Variants in DSCAML1 observed in about 807,000 individuals in gnomAD.
DSCAML1 encodes the protein cell adhesion molecule DSCAML1.
A neutral mutation model predicts 200.5 loss-of-function variants in DSCAML1; 38 were observed. That is an observed-to-expected ratio of 0.19 (90% CI 0.15 to 0.25). The LOEUF (loss-of-function observed/expected upper bound fraction) is 0.25. DSCAML1 is among the 10% of genes least tolerant of loss of function. The pLI, the probability that DSCAML1 is intolerant of heterozygous loss-of-function variation, is 1.00. For synonymous variants in DSCAML1, 1,215 were observed against 1,165.0 expected, an observed-to-expected ratio of 1.04 and a Z score of -0.87; for missense variants, 2,223 against 2,858.8, an observed-to-expected ratio of 0.78 and a Z score of 5.07.
chr11:117,565,141 C>CT (rs1314418863), intron 3 of DSCAML1, among the ~76,000 whole-genome samples: 4 of 152,110 alleles, frequency 2.6e-5, no homozygotes, highest in Non-Finnish European at 5.9e-5. Context: ...TTCTCACCTG[C>CT]TTTTTTCTGC....
At chr11:117,571,108 C>T (rs1366681029) in intron 3 of DSCAML1, among the ~76,000 whole-genome samples, 3 of 152,184 alleles carry the variant, frequency 2.0e-5, no homozygotes, top group African/African-American at 7.2e-5. Context: ...CGAGCAGAGC[C>T]CTGGTGGGGA....
rs763844992 is a variant in DSCAML1, at chr11:117,780,141, AAG to A, written c.364+350_364+351del. On this transcript the variant is annotated intron_variant, in intron 2 of 32. Coordinates refer to ENST00000651296, the MANE Select transcript of DSCAML1 (RefSeq NM_020693.4). This position sits in a 1 kb window ranked among gnomAD's most constrained non-coding sequence, Gnocchi z 4.8. ...GGCTCTGTCTCAAAAAGCAAAAAGA[AAG>A]AGAGAGAGAGAGAGAGAAAGAAAGA... 3.2e-4 allele frequency among the ~76,000 whole-genome samples: 47 copies of A among 147,356 alleles called. No homozygotes were observed. Among genetic ancestry groups the A allele is most frequent in the Middle Eastern group, 3.4e-3 (1 of 290 alleles).
At chr11:117,538,909 G>A (rs913889103) in intron 3 of DSCAML1, among the ~76,000 whole-genome samples, 2 of 151,824 alleles carry the variant, frequency 1.3e-5, no homozygotes, top group Non-Finnish European at 2.9e-5. Context: ...AGGAGGCAGG[G>A]GCCAGCAGCC....
intron 3 of DSCAML1, chr11:117,709,676 C>G (rs1053826867): frequency 6.6e-6 from 3 of 455,218 alleles, no homozygotes; most frequent in African/African-American, 6.0e-5. Context: ...CCACCTCCAG[C>G]CTCTTCTTTC....
At chr11:117,763,753 A>G (rs541339412) in intron 3 of DSCAML1, among the ~76,000 whole-genome samples, 8 of 152,022 alleles carry the variant, frequency 5.3e-5, no homozygotes, top group East Asian at 2.0e-4. Flanking sequence ...TTTCACTGCC[A>G]AGGATCCTGA....
intron 19 of DSCAML1, among the ~76,000 whole-genome samples, chr11:117,457,895 C>T (rs567001448): frequency 5.3e-5 from 8 of 152,354 alleles, no homozygotes; most frequent in East Asian, 3.9e-4. Flanking sequence ...GGATGTCTCC[C>T]GCTTCTGTGC....
At chr11:117,687,409 C>G (rs1185138142) in intron 3 of DSCAML1, among the ~76,000 whole-genome samples, 1 of 135,840 alleles carries the variant, frequency 7.4e-6, no homozygotes, top group Non-Finnish European at 1.6e-5. Context: ...TACAGGTGTG[C>G]TCCACCATGC....
intron 11 of DSCAML1, among the ~76,000 whole-genome samples, chr11:117,491,642 C>A (rs185863829): frequency 6.6e-6 from 1 of 152,136 alleles, no homozygotes; most frequent in Non-Finnish European, 1.5e-5. Flanking sequence ...GGCATGGTGG[C>A]GTGTGCCTGG....
rs559476821 is a variant in DSCAML1 at position 117,751,719 on chromosome 11, A to G, written c.511+25072T>C. ...TAACCCAGAAAGCCACCTGGGGGAA[A>G]AAATGGAGGCTCAGGGGGTGAAAGG... On this transcript the variant is annotated intron_variant, in intron 3 of 32. Coordinates refer to ENST00000651296, the MANE Select transcript of DSCAML1 (RefSeq NM_020693.4). 2.4e-3 allele frequency among the ~76,000 whole-genome samples: 366 copies of G among 152,286 alleles called. 2 individuals carry two copies. The highest frequency in any genetic ancestry group is 8.4e-3 in the African/African-American group (349 of 41,566).
At chr11:117,764,379 G>A (rs144482895) in intron 3 of DSCAML1, among the ~76,000 whole-genome samples, 152 of 152,226 alleles carry the variant, frequency 1.0e-3, no homozygotes, top group African/African-American at 3.4e-3. Flanking sequence ...ACACATGCAC[G>A]CATATATATT....
chr11:117,629,333 C>T (rs568182798), intron 3 of DSCAML1, among the ~76,000 whole-genome samples: 4 of 152,194 alleles, frequency 2.6e-5, no homozygotes, highest in African/African-American at 9.6e-5. Flanking sequence ...TCCGCCATTA[C>T]CTCCCGGGGA....
chr11:117,806,070 C>T (rs1400954443), intron 1 of DSCAML1, among the ~76,000 whole-genome samples: 2 of 152,200 alleles, frequency 1.3e-5, no homozygotes. Flanking sequence ...TCTTGCCCAC[C>T]TTGTTCACCA....
intron 3 of DSCAML1, among the ~76,000 whole-genome samples, chr11:117,754,457 G>A (rs2054652863): frequency 6.6e-6 from 1 of 152,104 alleles, no homozygotes; most frequent in African/African-American, 2.4e-5. Context: ...AGGACTCAGG[G>A]CTCAGCTCGG....
chr11:117,432,383 G>T lies in DSCAML1; in HGVS notation c.5148C>A (p.Leu1716=), dbSNP rs761020415. ...HPTLIQSTGP[L]IDMSDIRPGT... is the part of the protein sequence containing the mutation. ...CTGGCCGGATGTCAGACATGTCGAT[G>T]AGGGGTCCTGTGCTCTGGATGAGGG... The change falls in exon 30 of 33, where the codon CTC becomes CTA. Residue 1716 remains leucine (L), a synonymous_variant. Coordinates refer to ENST00000651296, the MANE Select transcript of DSCAML1 (RefSeq NM_020693.4). The T allele has an allele frequency of 2.1e-5, 34 of 1,613,940 alleles. 1 individual carries two copies. In the South Asian group the frequency reaches 3.7e-4, roughly 18 times the overall value.
At chr11:117,485,648 A>G (rs565314701) in intron 11 of DSCAML1, among the ~76,000 whole-genome samples, 3 of 152,364 alleles carry the variant, frequency 2.0e-5, no homozygotes, top group East Asian at 3.9e-4. Context: ...TTCTAGTCCT[A>G]TCCCCAAGGG....
rs565592939 is a variant in DSCAML1 at position 117,475,819 on chromosome 11, G to A, written c.2786-3783C>T. 2.0e-5 allele frequency among the ~76,000 whole-genome samples: 3 copies of A among 152,214 alleles called. No individual in the cohort carries two copies. The South Asian group carries it at 6.2e-4, about 32-fold the overall frequency. ...TTTTCTTCTGCGTTTGCCTCCCGTGGTTTGCAGGTGGATTTGACCTTGTGT... is the reference window on the plus strand; with the variant it reads ...TTTTCTTCTGCGTTTGCCTCCCGTGATTTGCAGGTGGATTTGACCTTGTGT... On this transcript the variant is annotated intron_variant, in intron 14 of 32. Transcript: ENST00000651296.
At chr11:117,609,307 CTTTCT>C (rs1286534471) in intron 3 of DSCAML1, among the ~76,000 whole-genome samples, 53 of 146,576 alleles carry the variant, frequency 3.6e-4, no homozygotes, top group Middle Eastern at 3.5e-3. Flanking sequence ...TTCTTTCTTT[CTTTCT>C]TTTTTTTTTT....
intron 3 of DSCAML1, among the ~76,000 whole-genome samples, chr11:117,737,807 A>G (rs557772861): frequency 1.3e-5 from 2 of 152,336 alleles, no homozygotes; most frequent in Non-Finnish European, 2.9e-5. Flanking sequence ...GGGCAGTCCC[A>G]GCAATGGGAG....
At chr11:117,778,568 A>G (rs2055174520) in intron 2 of DSCAML1, among the ~76,000 whole-genome samples, 1 of 152,262 alleles carries the variant, frequency 6.6e-6, no homozygotes, top group Admixed American at 6.5e-5. Flanking sequence ...GCCCAAGGAA[A>G]GCACTTTGGC....
Sources: gnomAD v4.1 joint callset for allele counts (sites outside exome capture counted in the v4.1 genomes callset) on GRCh38, gnomAD v4.1.1 for gene constraint, Gnocchi (gnomAD v3.1) non-coding constraint, MANE v1.5 for transcripts, NCBI Gene and HGNC (gene_info 2026-07-23, HGNC 2026-07-21) for gene names.